The following FRMD4B variants were observed in gnomAD, a reference collection of about 807,000 sequenced individuals.
The protein encoded by FRMD4B is FERM domain-containing protein 4B.
A neutral mutation model predicts 141.5 loss-of-function variants in FRMD4B; 74 were observed. That is an observed-to-expected ratio of 0.52 (90% CI 0.43 to 0.63). FRMD4B has a LOEUF of 0.63. Ranked by LOEUF, FRMD4B falls within the 30% of genes least tolerant of loss-of-function variation. FRMD4B has a pLI of 0.00. For synonymous variants in FRMD4B, 506 were observed against 467.9 expected, an observed-to-expected ratio of 1.08 and a Z score of -1.05; for missense variants, 1,366 against 1,253.4, an observed-to-expected ratio of 1.09 and a Z score of -1.36.
chr3:69,439,490 T>C (rs1402911232), intron 1 of FRMD4B, among the ~76,000 whole-genome samples: 1 of 152,158 alleles, frequency 6.6e-6, no homozygotes, highest in Non-Finnish European at 1.5e-5. Flanking sequence ...GGAGAATCTT[T>C]CGTGAGATGG....
intron 1 of FRMD4B, among the ~76,000 whole-genome samples, chr3:69,320,106 C>T: frequency 6.6e-6 from 1 of 152,148 alleles, no homozygotes; most frequent in Non-Finnish European, 1.5e-5. Flanking sequence ...AATGCCAGAC[C>T]TGGGCTTAAA....
chr3:69,299,047 A>C (rs1237571764), intron 4 of FRMD4B, among the ~76,000 whole-genome samples: 1 of 152,046 alleles, frequency 6.6e-6, no homozygotes, highest in Admixed American at 6.6e-5. Context: ...TAATGAATGC[A>C]TTTGTTTATG....
At chr3:69,425,579 C>G (rs1004239259) in intron 2 of FRMD4B, among the ~76,000 whole-genome samples, 3 of 152,124 alleles carry the variant, frequency 2.0e-5, no homozygotes, top group African/African-American at 7.2e-5. Context: ...TTCTTTTGCC[C>G]CTACCTTTCG....
At chr3:69,511,089 T>C (rs1706678681) in intron 1 of FRMD4B, among the ~76,000 whole-genome samples, 1 of 152,192 alleles carries the variant, frequency 6.6e-6, no homozygotes, top group African/African-American at 2.4e-5. Flanking sequence ...GTTAACATTT[T>C]GTTGAGATTA....
intron 1 of FRMD4B, among the ~76,000 whole-genome samples, chr3:69,347,336 T>C (rs1702981667): frequency 6.6e-6 from 1 of 152,142 alleles, no homozygotes; most frequent in Non-Finnish European, 1.5e-5. Context: ...ATGAAGCAAG[T>C]CCTTAGAGAC....
chr3:69,383,653 G>A (rs1704177335), intron 1 of FRMD4B, among the ~76,000 whole-genome samples: 1 of 152,158 alleles, frequency 6.6e-6, no homozygotes. Context: ...TTGAACTCCT[G>A]GGCTCAAGTG....
chr3:69,207,802 G>A lies in FRMD4B; in HGVS notation c.876+8461C>T, dbSNP rs112926260. Among the ~76,000 whole-genome samples the A allele has an allele frequency of 2.7e-3, 400 of 147,462 alleles. 1 individual carries two copies. Among genetic ancestry groups the A allele is most frequent in the African/African-American group, 9.5e-3 (373 of 39,082 alleles). On this transcript the variant is annotated intron_variant, in intron 11 of 22. Coordinates refer to ENST00000398540, the MANE Select transcript of FRMD4B (RefSeq NM_015123.3). ...CAGCCTGGTGACAGAGTGAGACTCCGTCTCAAAAAAAAAAAAAAGAAAAAA... is the reference window on the plus strand; with the variant it reads ...CAGCCTGGTGACAGAGTGAGACTCCATCTCAAAAAAAAAAAAAAGAAAAAA...
intron 1 of FRMD4B, among the ~76,000 whole-genome samples, chr3:69,339,514 G>A (rs1309545947): frequency 1.3e-5 from 2 of 152,166 alleles, no homozygotes; most frequent in African/African-American, 4.8e-5. Context: ...CCAGCACAGT[G>A]CGTGGCACTC....
intron 1 of FRMD4B, among the ~76,000 whole-genome samples, chr3:69,484,545 T>C (rs1706182565): frequency 6.6e-6 from 1 of 152,260 alleles, no homozygotes; most frequent in African/African-American, 2.4e-5. Context: ...AGACCCGCAG[T>C]GATTAGCTCC....
chr3:69,258,236 G>A (rs998191166), intron 5 of FRMD4B, among the ~76,000 whole-genome samples: 2 of 152,160 alleles, frequency 1.3e-5, no homozygotes, highest in Non-Finnish European at 2.9e-5. Flanking sequence ...AAAGTGCTGG[G>A]GTTACAGGCG....
At position 69,206,380 on chromosome 3, in the gene FRMD4B, C is replaced by T. The variant is rs564227975; in HGVS notation, c.877-7606G>A. Among the ~76,000 whole-genome samples the T allele has an allele frequency of 6.6e-4, 100 of 152,108 alleles. 1 individual carries two copies. Among genetic ancestry groups the T allele is most frequent in the African/African-American group, 2.4e-3 (98 of 41,508 alleles). On this transcript the variant is annotated intron_variant, in intron 11 of 22. Transcript: ENST00000398540. ...AACAAAACAAAACAAAACAAAAACC[C>T]ATATCTTAAATGCAAGGAGTAAAAC...
intron 4 of FRMD4B, among the ~76,000 whole-genome samples, chr3:69,297,001 G>A (rs1354054123): frequency 6.6e-6 from 1 of 152,130 alleles, no homozygotes; most frequent in African/African-American, 2.4e-5. Context: ...TACAAAGAGT[G>A]TTATCATATT....
intron 1 of FRMD4B, among the ~76,000 whole-genome samples, chr3:69,487,650 G>A (rs542725552): frequency 1.3e-5 from 2 of 152,216 alleles, no homozygotes; most frequent in African/African-American, 2.4e-5. Context: ...CTTCTGTTTG[G>A]GGCCTTTGGT....
chr3:69,500,313 C>T (rs1706471969), intron 1 of FRMD4B, among the ~76,000 whole-genome samples: 1 of 152,196 alleles, frequency 6.6e-6, no homozygotes, highest in African/African-American at 2.4e-5. Context: ...ACGTCAGCTG[C>T]ACTTGGCAAT....
At chr3:69,539,835 CA>C (rs1701137872) in intron 1 of FRMD4B, among the ~76,000 whole-genome samples, 1 of 130,658 alleles carries the variant, frequency 7.7e-6, no homozygotes, top group African/African-American at 3.0e-5. Flanking sequence ...AAGGTGTGTT[CA>C]AACAGTGTGT....
chr3:69,486,630 G>T (rs969745025), intron 1 of FRMD4B, among the ~76,000 whole-genome samples: 1 of 152,162 alleles, frequency 6.6e-6, no homozygotes, highest in Non-Finnish European at 1.5e-5. Flanking sequence ...GAAAGAAAAG[G>T]GGGGAAAATG....
At chr3:69,187,552 A>AAT (rs1553696409) in intron 19 of FRMD4B, among the ~76,000 whole-genome samples, 18 of 143,578 alleles carry the variant, frequency 1.3e-4, no homozygotes, top group African/African-American at 2.8e-4. Context: ...AAAAAAAAAA[A>AAT]ATATATATAT....
At chr3:69,246,506 G>T (rs2093426792) in intron 7 of FRMD4B, among the ~76,000 whole-genome samples, 1 of 152,106 alleles carries the variant, frequency 6.6e-6, no homozygotes, top group Non-Finnish European at 1.5e-5. Context: ...AGGAGTTTTA[G>T]AACAAAACTT....
chr3:69,393,086 A>G (rs1033153672), intron 2 of FRMD4B, among the ~76,000 whole-genome samples: 2 of 152,122 alleles, frequency 1.3e-5, no homozygotes, highest in African/African-American at 2.4e-5. Context: ...CTTCATGACT[A>G]TGAATGGCTT....
Sources: allele counts gnomAD v4.1 joint callset (sites outside exome capture counted in the v4.1 genomes callset), GRCh38; gene constraint gnomAD v4.1.1; transcripts MANE v1.5; gene names NCBI Gene and HGNC (gene_info 2026-07-23, HGNC 2026-07-21).